Variants in ENOX1 observed in about 807,000 individuals in gnomAD.
ENOX1 encodes ecto-NOX disulfide-thiol exchanger 1, also known as candidate growth-related and time keeping constitutive hydroquinone (NADH) oxidase.
In ENOX1, 42 loss-of-function variants were observed where a neutral mutation model predicts 82.5. That is an observed-to-expected ratio of 0.51 (90% CI 0.40 to 0.66). The LOEUF (loss-of-function observed/expected upper bound fraction) is 0.66, where lower values mean the gene tolerates loss of function less well. Ranked by LOEUF, ENOX1 falls within the 30% of genes least tolerant of loss-of-function variation. The pLI is 0.00. For missense variants in ENOX1, 608 were observed against 811.6 expected, an observed-to-expected ratio of 0.75 and a Z score of 3.05; for synonymous variants, 271 against 282.2, an observed-to-expected ratio of 0.96 and a Z score of 0.40.
chr13:43,491,865 T>A (rs978359306), intron 2 of ENOX1, among the ~76,000 whole-genome samples: 2 of 152,220 alleles, frequency 1.3e-5, no homozygotes, highest in Non-Finnish European at 2.9e-5. Flanking sequence ...GGGCTCCCTA[T>A]TTTCCAAAGA....
intron 1 of ENOX1, among the ~76,000 whole-genome samples, chr13:43,718,186 G>A (rs2088283992): frequency 6.7e-6 from 1 of 149,984 alleles, no homozygotes; most frequent in Non-Finnish European, 1.5e-5. Context: ...ATGCACTATG[G>A]AATACACTGC....
At chr13:43,257,870 T>A (rs1226317583) in intron 14 of ENOX1, among the ~76,000 whole-genome samples, 2 of 152,242 alleles carry the variant, frequency 1.3e-5, no homozygotes, top group East Asian at 3.8e-4. Context: ...GGTATCCATG[T>A]CCATGTCAGA....
chr13:43,744,058 T>G (rs1185800760), intron 1 of ENOX1, among the ~76,000 whole-genome samples: 1 of 152,194 alleles, frequency 6.6e-6, no homozygotes, highest in East Asian at 1.9e-4. Context: ...TCAAAACTGT[T>G]GCGTTGGTGA....
chr13:43,517,040 G>A (rs577429176), intron 2 of ENOX1, among the ~76,000 whole-genome samples: 6 of 152,268 alleles, frequency 3.9e-5, no homozygotes, highest in Admixed American at 6.5e-5. Context: ...AATACCCTAA[G>A]ATGAAAACAG....
chr13:43,716,826 C>G (rs1415294955), intron 1 of ENOX1, among the ~76,000 whole-genome samples: 1 of 150,386 alleles, frequency 6.6e-6, no homozygotes, highest in Non-Finnish European at 1.5e-5. Flanking sequence ...TTCATCTAAC[C>G]AAATAGGTCA....
intron 11 of ENOX1, among the ~76,000 whole-genome samples, chr13:43,319,535 C>T (rs1030457760): frequency 5.9e-5 from 9 of 152,066 alleles, no homozygotes; most frequent in Admixed American, 3.9e-4. Context: ...AAAAACCAAA[C>T]AAGTCAATTA....
At chr13:43,447,433 A>C (rs1309937465) in intron 3 of ENOX1, among the ~76,000 whole-genome samples, 1 of 152,114 alleles carries the variant, frequency 6.6e-6, no homozygotes, top group Non-Finnish European at 1.5e-5. Flanking sequence ...AGGTGTTCTT[A>C]AGGCACTAGA....
At chr13:43,440,985 C>A (rs745960271) in intron 3 of ENOX1, among the ~76,000 whole-genome samples, 1 of 152,098 alleles carries the variant, frequency 6.6e-6, no homozygotes, top group Non-Finnish European at 1.5e-5. Flanking sequence ...AATTTTATAA[C>A]CTCAATTTAA....
At chr13:43,690,549 T>C (rs777908043) in intron 1 of ENOX1, among the ~76,000 whole-genome samples, 2 of 152,166 alleles carry the variant, frequency 1.3e-5, no homozygotes, top group Non-Finnish European at 2.9e-5. Context: ...GTAACTCATA[T>C]CAGGAATGAA....
At chr13:43,707,349 C>A (rs2087364254) in intron 1 of ENOX1, among the ~76,000 whole-genome samples, 1 of 152,082 alleles carries the variant, frequency 6.6e-6, no homozygotes, top group African/African-American at 2.4e-5. Context: ...GATTCAATGC[C>A]ATCCCAATGA....
At chr13:43,691,128 C>T (rs1396301564) in intron 1 of ENOX1, among the ~76,000 whole-genome samples, 1 of 152,184 alleles carries the variant, frequency 6.6e-6, no homozygotes, top group African/African-American at 2.4e-5. Context: ...TCCTTCTCTT[C>T]ACAAGACAAT....
chr13:43,475,526 T>C (rs2058241628), intron 3 of ENOX1, among the ~76,000 whole-genome samples: 1 of 152,122 alleles, frequency 6.6e-6, no homozygotes, highest in Non-Finnish European at 1.5e-5. Context: ...ACCAGAGCAT[T>C]GCTAAGGAAA....
At chr13:43,426,706 C>T (rs2153611076) in intron 3 of ENOX1, among the ~76,000 whole-genome samples, 1 of 152,278 alleles carries the variant, frequency 6.6e-6, no homozygotes, top group Non-Finnish European at 1.5e-5. Flanking sequence ...TCCAAATATT[C>T]ACCAGGTCTT....
chr13:43,370,254 C>T (rs1453018300), intron 5 of ENOX1, among the ~76,000 whole-genome samples: 2 of 152,046 alleles, frequency 1.3e-5, no homozygotes, highest in African/African-American at 2.4e-5. Context: ...GTAGTCCCAG[C>T]TACTCGGGAG....
Position 43,298,493 on chromosome 13 carries a change from A to C in ENOX1, c.1299T>G (p.Asn433Lys), listed in dbSNP as rs2153507255. The C allele has an allele frequency of 1.2e-6, 2 of 1,613,846 alleles. No individual in the cohort carries two copies. Among genetic ancestry groups the C allele is most frequent in the Non-Finnish European group, 1.7e-6 (2 of 1,179,966 alleles). ...CATCCAGCTGCCAGCGGAGACTGTC[A>C]TTCTCCTCTTTCAGAGCGTAGGCCT... Reference protein sequence around the residue: ...AAQAYALKEENDSLRWQLDAY... With the variant: ...AAQAYALKEEKDSLRWQLDAY... The change falls in exon 12 of 17, where the codon AAT (asparagine) becomes AAG (lysine). Residue 433 changes from asparagine (N) to lysine (K), a missense_variant. Asn to Lys is a moderately conservative substitution (Grantham distance 94, BLOSUM62 0). Transcript: ENST00000690772.
At chr13:43,241,511 T>A (rs1180499544) in intron 14 of ENOX1, among the ~76,000 whole-genome samples, 1 of 152,184 alleles carries the variant, frequency 6.6e-6, no homozygotes, top group African/African-American at 2.4e-5. Context: ...TTCCTCTCAG[T>A]GAGATCTATT....
At chr13:43,372,928 C>T (rs1435732474) in intron 5 of ENOX1, among the ~76,000 whole-genome samples, 2 of 150,848 alleles carry the variant, frequency 1.3e-5, no homozygotes, top group Admixed American at 6.6e-5. Flanking sequence ...AACTGTGCCT[C>T]GGTTCTTCAT....
At chr13:43,316,457 T>C (rs1373230292) in intron 11 of ENOX1, among the ~76,000 whole-genome samples, 3 of 152,056 alleles carry the variant, frequency 2.0e-5, no homozygotes, top group African/African-American at 7.2e-5. Flanking sequence ...TACATAAAAA[T>C]AGGATTATAA....
intron 7 of ENOX1, among the ~76,000 whole-genome samples, chr13:43,358,771 A>G (rs868814257): frequency 1.3e-5 from 2 of 152,334 alleles, no homozygotes; most frequent in Middle Eastern, 3.4e-3. Flanking sequence ...ACCCAGTGCC[A>G]CAAACTCACC....
Sources: gnomAD v4.1 joint callset for allele counts (sites outside exome capture counted in the v4.1 genomes callset) on GRCh38, gnomAD v4.1.1 for gene constraint, MANE v1.5 for transcripts, NCBI Gene and HGNC (gene_info 2026-07-23, HGNC 2026-07-21) for gene names.